RRP7A: variants seen among roughly 807,000 people sequenced by gnomAD.
RRP7A encodes ribosomal RNA-processing protein 7 homolog A.
RRP7A carries 27 observed loss-of-function variants against 38.4 expected under a neutral mutation model. The observed-to-expected ratio is 0.70, with a 90% confidence interval of 0.52 to 0.97. RRP7A has a LOEUF of 0.97. Among genes scored for constraint, RRP7A ranks in the 50% least tolerant of loss-of-function variants. RRP7A has a pLI of 0.00. For missense variants in RRP7A, 327 were observed against 375.4 expected (o/e 0.87, Z 1.07); for synonymous variants, 124 against 150.3 (o/e 0.83, Z 1.28).
rs71184902 is a variant in RRP7A, at chr22:42,517,342, TAAAAA to T, written c.216+658_216+662del. On this transcript the variant is annotated intron_variant, in intron 2 of 6. Transcript: ENST00000323013. ...AGCAATTCCCTTAGCTTAGTTTTTG[TAAAAA>T]AAAAAAAAAAAAAAAAAAATTAACA... 3.9e-3 allele frequency among the ~76,000 whole-genome samples: 457 copies of T among 117,512 alleles called. 5 individuals carry two copies. The highest frequency in any genetic ancestry group is 0.013 in the African/African-American group (429 of 32,048). The allele number at this position is 117,512 out of a possible 152,430, so 77.1% of individuals were successfully genotyped here. A position where few individuals can be genotyped will look rare whatever the true frequency, so the allele number is the denominator to read the frequency against.
chr22:42,513,850 G>C (rs1364791668), intron 6 of RRP7A, among the ~76,000 whole-genome samples: 2 of 152,166 alleles, frequency 1.3e-5, no homozygotes, highest in Non-Finnish European at 2.9e-5. Context: ...GGGACCCAGA[G>C]GTGGGCACTG....
intron 6 of RRP7A, among the ~76,000 whole-genome samples, chr22:42,513,873 C>T (rs1334092821): frequency 6.6e-6 from 1 of 152,126 alleles, no homozygotes; most frequent in Non-Finnish European, 1.5e-5. Flanking sequence ...GACCTAGGGT[C>T]CCCACCCACT....
At chr22:42,518,983 A>G (rs1473275513) in intron 1 of RRP7A, among the ~76,000 whole-genome samples, 1 of 146,490 alleles carries the variant, frequency 6.8e-6, no homozygotes, top group Non-Finnish European at 1.5e-5. Flanking sequence ...ATAGGCCATC[A>G]CGGATGGCCT....
intron 2 of RRP7A, 92 bp downstream of exon 2, chr22:42,517,913 C>G (rs1920935124): frequency 1.4e-6 from 2 of 1,437,750 alleles, no homozygotes; most frequent in East Asian, 4.9e-5. Context: ...CTCCCATTAG[C>G]TGTGTCCGTC....
At chr22:42,513,841 G>A (rs891753074) in intron 6 of RRP7A, among the ~76,000 whole-genome samples, 1 of 152,110 alleles carries the variant, frequency 6.6e-6, no homozygotes, top group African/African-American at 2.4e-5. Flanking sequence ...AAGTGCACAG[G>A]GACCCAGAGG....
rs754912195 is a variant in RRP7A at position 42,509,132 on chromosome 22, TC to T, written c.*3777del. 1.9e-6 allele frequency: 3 copies of T among 1,614,052 alleles called. No homozygotes were observed. In the Admixed American group the frequency reaches 5.0e-5, roughly 27 times the overall value. On this transcript the variant is annotated 3_prime_UTR_variant, in exon 7 of 7. Transcript: ENST00000323013. Reference sequence around the variant, plus strand: ...TCAAGTGAGTCTGGACCCATCCCCTTCAGTCACCCCCCAAGGAGACATGGGC... The same window carrying T: ...TCAAGTGAGTCTGGACCCATCCCCTTAGTCACCCCCCAAGGAGACATGGGC...
Position 42,509,147 on chromosome 22 carries a change from G to C in RRP7A, c.*3763C>G, listed in dbSNP as rs1412344270. The C allele has an allele frequency of 1.2e-6, 2 of 1,613,412 alleles. No homozygotes were observed. Among genetic ancestry groups the C allele is most frequent in the Non-Finnish European group, 1.7e-6 (2 of 1,179,602 alleles). On this transcript the variant is annotated 3_prime_UTR_variant, in exon 7 of 7. Coordinates refer to ENST00000323013, the MANE Select transcript of RRP7A (RefSeq NM_015703.5). ...CCCATCCCCTTCAGTCACCCCCCAA[G>C]GAGACATGGGCGCCAGGAATCTCTG... is the stretch of plus-strand genomic sequence containing the variant.
Position 42,509,671 on chromosome 22 carries a change from G to A in RRP7A, c.*3239C>T, listed in dbSNP as rs895697746. Among the ~76,000 whole-genome samples, 9 of 151,954 alleles carry A rather than the reference G, an allele frequency of 5.9e-5. No homozygotes were observed. Among genetic ancestry groups the A allele is most frequent in the African/African-American group, 2.2e-4 (9 of 41,378 alleles). Reference sequence around the variant, plus strand: ...AAGCCATAAAAAGAAACGAAGCACTGACATGGGCTCCAGCATGGATGAGCC... The same window carrying A: ...AAGCCATAAAAAGAAACGAAGCACTAACATGGGCTCCAGCATGGATGAGCC... On this transcript the variant is annotated 3_prime_UTR_variant, in exon 7 of 7. Coordinates refer to ENST00000323013, the MANE Select transcript of RRP7A (RefSeq NM_015703.5).
intron 1 of RRP7A, 104 bp from the exon 2 acceptor site, chr22:42,518,251 T>C: frequency 2.1e-6 from 2 of 967,252 alleles, no homozygotes; most frequent in Non-Finnish European, 3.2e-6. Context: ...TAGTCCTATC[T>C]GTTCATCGAT....
Position 42,511,703 on chromosome 22 carries a change from C to G in RRP7A, c.*1207G>C, listed in dbSNP as rs1932466919. On this transcript the variant is annotated 3_prime_UTR_variant, in exon 7 of 7. Coordinates refer to ENST00000323013, the MANE Select transcript of RRP7A (RefSeq NM_015703.5). The stretch of plus-strand genomic sequence containing the variant: ...AAGGAAGAAGCCCACCTGTGGCTGG[C>G]TGGCTGGCCGCCAGGTCAGAGCCAA... 5.9e-6 allele frequency: 1 copy of G among 168,956 alleles called. No homozygotes were observed. Among genetic ancestry groups the G allele is most frequent in the Non-Finnish European group, 1.3e-5 (1 of 78,622 alleles). 10.5% of individuals were successfully genotyped at this position (168,956 alleles called of 1,614,324 possible).
Position 42,508,512 on chromosome 22 carries a change from A to G in RRP7A, c.*4398T>C, listed in dbSNP as rs1383456983. Among the ~76,000 whole-genome samples the G allele has an allele frequency of 4.6e-5, 7 of 152,310 alleles. No homozygotes were observed. In the East Asian group the frequency reaches 1.4e-3, roughly 29 times the overall value. On this transcript the variant is annotated 3_prime_UTR_variant, in exon 7 of 7. Coordinates refer to ENST00000323013, the MANE Select transcript of RRP7A (RefSeq NM_015703.5). ...CCCGCCATCCAGACGTAAAACAGTCACAAGACAGGGCAGGCAGGGCCGCGG... is the reference window on the plus strand; with the variant it reads ...CCCGCCATCCAGACGTAAAACAGTCGCAAGACAGGGCAGGCAGGGCCGCGG...
intron 1 of RRP7A, among the ~76,000 whole-genome samples, chr22:42,519,023 C>T (rs1920939375): frequency 6.8e-6 from 1 of 147,628 alleles, no homozygotes; most frequent in Non-Finnish European, 1.5e-5. Context: ...AAGCTCAGGC[C>T]AGAACGCCAC....
rs531786832 is a variant in RRP7A at position 42,519,570 on chromosome 22, G to A, written c.73+144C>T. ...GGTCCTCGGGACCCCGGAGCCTCAA[G>A]ACCTGCGGAGCCTGGGGCCACGGGC... On this transcript the variant is annotated intron_variant, in intron 1 of 6. Transcript: ENST00000323013. The A allele has an allele frequency of 5.1e-4, 336 of 664,174 alleles. 2 individuals carry two copies. The highest frequency in any genetic ancestry group is 2.4e-3 in the Middle Eastern group (6 of 2,534). 41.1% of individuals were successfully genotyped at this position (664,174 alleles called of 1,614,324 possible).
At chr22:42,519,686 C>T (rs536774700) in intron 1 of RRP7A, 28 bp downstream of exon 1, 4 of 1,439,664 alleles carry the variant, frequency 2.8e-6, no homozygotes, top group Non-Finnish European at 3.7e-6. Context: ...CCTGACCGCC[C>T]CCGGTCTCGC....
At position 42,509,180 on chromosome 22, in the gene RRP7A, G is replaced by GC. The variant is rs1932366111; in HGVS notation, c.*3729dup. ...GGGCGCCAGGAATCTCTGGGAGGGG[G>GC]CCCTGGCATGAGGCTCCAAGTTCTC... On this transcript the variant is annotated 3_prime_UTR_variant, in exon 7 of 7. Coordinates refer to ENST00000323013, the MANE Select transcript of RRP7A (RefSeq NM_015703.5). The GC allele has an allele frequency of 6.2e-7, 1 of 1,604,594 alleles. No homozygotes were observed. Among genetic ancestry groups the GC allele is most frequent in the Non-Finnish European group, 8.5e-7 (1 of 1,174,762 alleles).
intron 3 of RRP7A, 92 bp from the exon 4 acceptor site, chr22:42,515,360 C>G: frequency 1.3e-6 from 1 of 745,946 alleles, no homozygotes; most frequent in South Asian, 1.6e-5. Context: ...GGTAGCTACA[C>G]CAGGGGAGAT....
rs1932508369 is a variant in RRP7A, at chr22:42,512,784, G to C, written c.*126C>G. 1 of 945,164 alleles carries C rather than the reference G, an allele frequency of 1.1e-6. No homozygotes were observed. The highest frequency in any genetic ancestry group is 2.0e-5 in the Admixed American group (1 of 49,372). 58.5% of individuals were successfully genotyped at this position (945,164 alleles called of 1,614,324 possible). ...GGCCTGTGTGGACTCTGATGGGGCTGTTGGACGCGGTGGCCTTCAACCTGG... is the reference window on the plus strand; with the variant it reads ...GGCCTGTGTGGACTCTGATGGGGCTCTTGGACGCGGTGGCCTTCAACCTGG... On this transcript the variant is annotated 3_prime_UTR_variant, in exon 7 of 7. Coordinates refer to ENST00000323013, the MANE Select transcript of RRP7A (RefSeq NM_015703.5).
At chr22:42,513,025 T>A (rs772569863) in intron 6 of RRP7A, 30 bp from the exon 7 acceptor site, 2 of 1,587,646 alleles carry the variant, frequency 1.3e-6, no homozygotes, top group South Asian at 2.2e-5. Flanking sequence ...CGGGGCAGGG[T>A]CAGACAGCGC....
intron 3 of RRP7A, 73 bp downstream of exon 3, chr22:42,515,938 C>G: frequency 1.3e-6 from 2 of 1,507,152 alleles, no homozygotes; most frequent in Non-Finnish European, 1.8e-6. Flanking sequence ...GTCCCACTGC[C>G]AGCTCCCCCA....
Sources: gnomAD v4.1 joint callset for allele counts (sites outside exome capture counted in the v4.1 genomes callset) on GRCh38, gnomAD v4.1.1 for gene constraint, MANE v1.5 for transcripts, NCBI Gene and HGNC (gene_info 2026-07-23, HGNC 2026-07-21) for gene names.